VWF: variants seen among roughly 807,000 people sequenced by gnomAD.
VWF encodes the protein von Willebrand factor.
A neutral mutation model predicts 308.6 loss-of-function variants in VWF; 176 were observed. That is an observed-to-expected ratio of 0.57 (90% confidence interval 0.50 to 0.65). The LOEUF is 0.65. Among genes scored for constraint, VWF ranks in the 30% least tolerant of loss-of-function variants. The probability of loss-of-function intolerance (pLI) is 0.00; values close to 1 mark genes in which losing one functional copy is unlikely to be tolerated. For missense variants in VWF, 3,146 were observed against 3,648.2 expected (o/e 0.86, Z 3.55); for synonymous variants, 1,385 against 1,443.4 (o/e 0.96, Z 0.92).
At chr12:6,122,801 G>A (rs184124306) in intron 2 of VWF, 5 of 588,770 alleles carry the variant, frequency 8.5e-6, no homozygotes, top group South Asian at 5.5e-5. Flanking sequence ...TGTACCATGG[G>A]AGGTTCAACA....
chr12:5,950,339 A>ATG (rs1943172315), intron 50 of VWF, among the ~76,000 whole-genome samples: 1 of 152,132 alleles, frequency 6.6e-6, no homozygotes, highest in Non-Finnish European at 1.5e-5. Context: ...ATGTAAGGGC[A>ATG]TACCCTGCCT....
intron 22 of VWF, 106 bp from the exon 23 acceptor site, chr12:6,026,152 G>C: frequency 6.6e-7 from 1 of 1,510,232 alleles, no homozygotes; most frequent in Non-Finnish European, 9.2e-7. Context: ...GAGGGCATTC[G>C]AGGAAGAGGA....
chr12:6,121,424 T>C (rs1591930556), intron 2 of VWF, 86 bp from the exon 3 acceptor site: 1 of 1,514,724 alleles, frequency 6.6e-7, no homozygotes, highest in Non-Finnish European at 9.0e-7. Flanking sequence ...TCGTAGAAAT[T>C]AGACTGCCTC....
rs563959776 is a variant in VWF at position 6,016,781 on chromosome 12, T to C, written c.5143A>G (p.Lys1715Glu). The change falls in exon 29 of 52, where the codon AAG becomes GAG. Residue 1715 changes from lysine to glutamate, a missense_variant. By Grantham distance (56) the Lys-to-Glu change is moderately conservative. Transcript: ENST00000261405. ...ATATTGGCTTTTGAAATGAAAGCCT[T>C]GGCGAAACTCTTCATTTCATCAAAA... ...SYFDEMKSFA[K>E]AFISKANIGP... 4.3e-6 allele frequency: 7 copies of C among 1,614,136 alleles called. No individual in the cohort carries two copies. In the South Asian group the frequency reaches 5.5e-5, roughly 13 times the overall value.
intron 6 of VWF, among the ~76,000 whole-genome samples, chr12:6,091,106 C>T (rs1323395734): frequency 6.6e-6 from 1 of 152,190 alleles, no homozygotes; most frequent in East Asian, 1.9e-4. Context: ...TTGGAATGTA[C>T]TTGTTTATAA....
At chr12:6,004,238 A>G (rs946594507) in intron 34 of VWF, among the ~76,000 whole-genome samples, 1 of 152,204 alleles carries the variant, frequency 6.6e-6, no homozygotes, top group Non-Finnish European at 1.5e-5. Context: ...CATTATGAAA[A>G]TAACAAAGCA....
In VWF at chr12:6,057,971, A is replaced by G. The variant is rs1591890769; in HGVS notation, c.1607T>C (p.Leu536Pro). 3.7e-6 allele frequency: 6 copies of G among 1,613,592 alleles called. No individual in the cohort carries two copies. The highest frequency in any genetic ancestry group is 5.1e-6 in the Non-Finnish European group (6 of 1,180,038). Residue 536 changes from leucine (L) to proline (P), a missense_variant, in exon 14 of 52, where the codon CTT (leucine) becomes CCT (proline). Physicochemically the swap from Leu to Pro is moderately conservative, Grantham distance 98 (BLOSUM62 -3). Around this residue, in one of 3 missense-constraint regions of VWF, gnomAD observed 1,304 missense variants for 1,353.0 expected, o/e 0.96. Transcript: ENST00000261405. Reference sequence around the variant, plus strand: ...GGGCTCCGCCAGCCCAGAGGGGGTAAGGAAGTCGTCGCCCTGGTTGCCATT... The same window carrying G: ...GGGCTCCGCCAGCCCAGAGGGGGTAGGGAAGTCGTCGCCCTGGTTGCCATT... Reference protein sequence around the residue: ...NYNGNQGDDFLTPSGLAEPRV... With the variant: ...NYNGNQGDDFPTPSGLAEPRV...
At chr12:6,091,259 G>A (rs1227526623) in intron 6 of VWF, among the ~76,000 whole-genome samples, 2 of 145,910 alleles carry the variant, frequency 1.4e-5, no homozygotes, top group African/African-American at 2.5e-5. Context: ...CAGCTAAAAC[G>A]AAGCTTCCTC....
intron 6 of VWF, among the ~76,000 whole-genome samples, chr12:6,085,376 G>A (rs1278843725): frequency 1.3e-5 from 2 of 152,190 alleles, no homozygotes; most frequent in Admixed American, 6.5e-5. Context: ...GTCTTTCATG[G>A]TTTAATTTCT....
Position 6,031,433 on chromosome 12 carries a change from G to C in VWF, c.2820+11C>G, listed in dbSNP as rs772915512. On this transcript the variant is annotated intron_variant, in intron 21 of 51. Transcript: ENST00000261405. Reference sequence around the variant, plus strand: ...AGCGGGACATGAGGGTGGAGATGAGGCTGCACTTACCTCCCCGTCAAACAG... The same window carrying C: ...AGCGGGACATGAGGGTGGAGATGAGCCTGCACTTACCTCCCCGTCAAACAG... 6.2e-7 allele frequency: 1 copy of C among 1,614,118 alleles called. No individual in the cohort carries two copies. Among genetic ancestry groups the C allele is most frequent in the African/African-American group, 1.3e-5 (1 of 75,018 alleles).
At chr12:5,954,735 A>G (rs1455553746) in intron 47 of VWF, among the ~76,000 whole-genome samples, 6 of 152,232 alleles carry the variant, frequency 3.9e-5, no homozygotes, top group Admixed American at 3.9e-4. Context: ...CCCAGAGACA[A>G]AACGACAGCT....
intron 38 of VWF, among the ~76,000 whole-genome samples, chr12:5,988,571 G>A (rs1181206608): frequency 6.6e-6 from 1 of 152,198 alleles, no homozygotes; most frequent in African/African-American, 2.4e-5. Context: ...CACAACAGAT[G>A]ACCAAAAGCA....
intron 47 of VWF, among the ~76,000 whole-genome samples, chr12:5,964,358 C>T (rs141246621): frequency 3.3e-5 from 5 of 151,196 alleles, no homozygotes; most frequent in African/African-American, 1.2e-4. Flanking sequence ...ATTAGCTTTG[C>T]TTTCAGAAGA....
At chr12:5,965,389 C>T (rs149316232) in intron 47 of VWF, among the ~76,000 whole-genome samples, 14 of 152,278 alleles carry the variant, frequency 9.2e-5, no homozygotes, top group Admixed American at 7.2e-4. Context: ...TTCTGGCTGC[C>T]GGTTATTCAT....
intron 16 of VWF, among the ~76,000 whole-genome samples, chr12:6,047,807 A>G (rs1319491693): frequency 2.0e-5 from 3 of 152,208 alleles, no homozygotes; most frequent in Non-Finnish European, 2.9e-5. Flanking sequence ...TGCACAATAC[A>G]CCTTTTACCC....
At chr12:5,994,332 G>C in intron 36 of VWF, 83 bp downstream of exon 36, 19 of 1,592,926 alleles carry the variant, frequency 1.2e-5, no homozygotes, top group Non-Finnish European at 1.6e-5. Flanking sequence ...TGAAATATAA[G>C]CATCCAAGAG....
intron 47 of VWF, among the ~76,000 whole-genome samples, chr12:5,964,009 C>T (rs909177035): frequency 1.3e-5 from 2 of 151,582 alleles, no homozygotes; most frequent in Middle Eastern, 3.2e-3. Context: ...AGATTGAGAC[C>T]ATTCTGGTTA....
intron 3 of VWF, among the ~76,000 whole-genome samples, chr12:6,112,556 CAG>C (rs989359717): frequency 8.5e-5 from 13 of 152,220 alleles, no homozygotes; most frequent in Admixed American, 8.5e-4. Flanking sequence ...GCATAGGACT[CAG>C]GGGTAAAGTT....
chr12:6,064,358 G>A lies in VWF; in HGVS notation c.1320C>T (p.Cys440=), dbSNP rs1381910966. The A allele has an allele frequency of 1.2e-6, 2 of 1,614,154 alleles. No homozygotes were observed. Among genetic ancestry groups the A allele is most frequent in the South Asian group, 1.1e-5 (1 of 91,090 alleles). The change falls in exon 12 of 52, where the codon TGC becomes TGT. Residue 440 remains cysteine (C), a synonymous_variant. Coordinates refer to ENST00000261405, the MANE Select transcript of VWF (RefSeq NM_000552.5). Reference sequence around the variant, plus strand: ...GCAGCCGGACGGTGACGGAGCGGGTGCACACAGCGTCGCGGTCATCAGCAC... The same window carrying A: ...GCAGCCGGACGGTGACGGAGCGGGTACACACAGCGTCGCGGTCATCAGCAC... ...VQCADDRDAV[C]TRSVTVRLPG...
Sources: gnomAD v4.1 joint callset for allele counts (sites outside exome capture counted in the v4.1 genomes callset) on GRCh38, gnomAD v4.1.1 for gene constraint, gnomAD v4.1.1 regional missense constraint, MANE v1.5 for transcripts, NCBI Gene and HGNC (gene_info 2026-07-23, HGNC 2026-07-21) for gene names.